Variants in CCDC169 observed in about 807,000 individuals in gnomAD.
CCDC169 encodes the protein coiled-coil domain-containing protein 169.
CCDC169 carries 30 observed loss-of-function variants against 36.0 expected under a neutral mutation model. That is an observed-to-expected ratio of 0.83 (90% CI 0.62 to 1.13). The LOEUF is 1.13. CCDC169 is among the 50% of genes most tolerant of loss of function. The pLI, the probability that CCDC169 is intolerant of heterozygous loss-of-function variation, is 0.00. For missense variants in CCDC169, 245 were observed against 245.9 expected, an observed-to-expected ratio of 1.00 and a Z score of 0.03; for synonymous variants, 85 against 81.5, an observed-to-expected ratio of 1.04 and a Z score of -0.23.
chr13:36,289,439 T>A (rs765958986), intron 2 of CCDC169, among the ~76,000 whole-genome samples: 1 of 152,264 alleles, frequency 6.6e-6, no homozygotes, highest in African/African-American at 2.4e-5. Context: ...AATTTTTCAA[T>A]GTAATCAAGA....
chr13:36,267,624 T>A (rs1300153697), intron 4 of CCDC169, among the ~76,000 whole-genome samples: 4 of 152,128 alleles, frequency 2.6e-5, no homozygotes, highest in African/African-American at 9.7e-5. Context: ...TAACACTGAA[T>A]GTAAATGGTC....
At chr13:36,287,986 T>C (rs1878444241) in intron 2 of CCDC169, among the ~76,000 whole-genome samples, 1 of 152,118 alleles carries the variant, frequency 6.6e-6, no homozygotes, top group African/African-American at 2.4e-5. Context: ...AAATGGTTAA[T>C]AGGGAAATAA....
Position 36,297,751 on chromosome 13 carries a change from C to G in CCDC169, c.-32G>C. On this transcript the variant is annotated 5_prime_UTR_variant, in exon 1 of 8. Coordinates refer to ENST00000239859, the MANE Select transcript of CCDC169 (RefSeq NM_001144981.3). ...AGGCCAGAGACCTCCCGCGTCTTTCCCCTCAGCACCTTAGAGCACAAGACA... is the reference window on the plus strand; with the variant it reads ...AGGCCAGAGACCTCCCGCGTCTTTCGCCTCAGCACCTTAGAGCACAAGACA... The G allele has an allele frequency of 6.5e-7, 1 of 1,544,192 alleles. No homozygotes were observed. The highest frequency in any genetic ancestry group is 8.8e-7 in the Non-Finnish European group (1 of 1,142,130).
At chr13:36,261,606 G>A (rs1286547000) in intron 4 of CCDC169, among the ~76,000 whole-genome samples, 1 of 152,168 alleles carries the variant, frequency 6.6e-6, no homozygotes. Context: ...GGACTGGCTG[G>A]ACACTCAACT....
chr13:36,248,664 C>T lies in CCDC169; in HGVS notation c.487G>A (p.Val163Ile), dbSNP rs1872778114. ...EMSQGSGLHQ[V>I]SKRQQVDQLP... ...TGATCCACCTGTTGCCTTTTAGAAA[C>T]TTGATGTAAACCAGAACCCTGAAAT... is the stretch of plus-strand genomic sequence containing the variant. The change falls in exon 7 of 8, where the codon GTT becomes ATT. Residue 163 changes from valine to isoleucine, a missense_variant. Physicochemically the swap from Val to Ile is conservative, Grantham distance 29 (BLOSUM62 3). Coordinates refer to ENST00000239859, the MANE Select transcript of CCDC169 (RefSeq NM_001144981.3). 46 of 1,550,306 alleles carry T rather than the reference C, an allele frequency of 3.0e-5. No individual in the cohort carries two copies. Among genetic ancestry groups the T allele is most frequent in the Non-Finnish European group, 3.8e-5 (44 of 1,146,272 alleles).
chr13:36,295,733 C>A, intron 2 of CCDC169, 45 bp downstream of exon 2: 1 of 984,544 alleles, frequency 1.0e-6, no homozygotes, highest in Non-Finnish European at 1.5e-6. Flanking sequence ...GTAAAATGAA[C>A]AATAATTATA....
chr13:36,226,430 G>T (rs1035009520), downstream of CCDC169: 2 of 152,168 alleles, frequency 1.3e-5, no homozygotes, highest in African/African-American at 4.8e-5. Flanking sequence ...ACAAGAGTTC[G>T]TGCTCCTATG....
chr13:36,253,765 G>A, intron 6 of CCDC169, 38 bp downstream of exon 6: 1 of 1,531,978 alleles, frequency 6.5e-7, no homozygotes, highest in Non-Finnish European at 8.8e-7. Flanking sequence ...TTTACAGTAA[G>A]AAGAAACACT....
chr13:36,255,876 C>T (rs1327105168), intron 4 of CCDC169, among the ~76,000 whole-genome samples: 1 of 152,160 alleles, frequency 6.6e-6, no homozygotes, highest in Non-Finnish European at 1.5e-5. Flanking sequence ...GTCCTGCTTC[C>T]CCAATCCCCA....
chr13:36,291,867 A>T (rs988132808), intron 2 of CCDC169, among the ~76,000 whole-genome samples: 1 of 152,156 alleles, frequency 6.6e-6, no homozygotes, highest in African/African-American at 2.4e-5. Context: ...AAAAAAATAT[A>T]TTGGATTTAT....
chr13:36,242,526 G>A (rs1871960704), intron 7 of CCDC169, among the ~76,000 whole-genome samples: 1 of 152,062 alleles, frequency 6.6e-6, no homozygotes, highest in East Asian at 1.9e-4. Flanking sequence ...TACCTAATTT[G>A]GATGATTAGA....
intron 4 of CCDC169, among the ~76,000 whole-genome samples, chr13:36,267,810 A>G (rs1268987528): frequency 6.6e-6 from 1 of 152,188 alleles, no homozygotes; most frequent in Admixed American, 6.5e-5. Flanking sequence ...CTATTCTTAT[A>G]TCAGACAAAA....
intron 4 of CCDC169, among the ~76,000 whole-genome samples, chr13:36,275,517 C>A (rs1288747971): frequency 3.3e-5 from 5 of 152,190 alleles, no homozygotes; most frequent in African/African-American, 1.2e-4. Flanking sequence ...CCACAGAACA[C>A]CTCAGGAGGC....
chr13:36,275,290 C>CTA (rs903018605), intron 4 of CCDC169, among the ~76,000 whole-genome samples: 1 of 152,064 alleles, frequency 6.6e-6, no homozygotes, highest in Non-Finnish European at 1.5e-5. Context: ...AGCACAGCTC[C>CTA]TATATATATA....
chr13:36,294,875 C>G (rs972967160), intron 2 of CCDC169, among the ~76,000 whole-genome samples: 17 of 152,128 alleles, frequency 1.1e-4, no homozygotes, highest in Non-Finnish European at 2.4e-4. Flanking sequence ...CTATAGATAA[C>G]ATAACCGATT....
At chr13:36,232,840 T>C (rs1870594213) in intron 7 of CCDC169, among the ~76,000 whole-genome samples, 1 of 151,986 alleles carries the variant, frequency 6.6e-6, no homozygotes, top group South Asian at 2.1e-4. Flanking sequence ...GAGGTTGCAG[T>C]GAGCCGAGAT....
chr13:36,264,178 A>G (rs1874969997), intron 4 of CCDC169, among the ~76,000 whole-genome samples: 1 of 152,182 alleles, frequency 6.6e-6, no homozygotes, highest in South Asian at 2.1e-4. Flanking sequence ...ATACCCAAAA[A>G]AAGTACATTC....
At chr13:36,249,231 T>C (rs1872852459) in intron 6 of CCDC169, among the ~76,000 whole-genome samples, 2 of 152,124 alleles carry the variant, frequency 1.3e-5, no homozygotes, top group African/African-American at 2.4e-5. Context: ...TCATTGAGGG[T>C]ACACAGAGAA....
chr13:36,268,886 T>C (rs949099360), intron 4 of CCDC169, among the ~76,000 whole-genome samples: 1 of 151,918 alleles, frequency 6.6e-6, no homozygotes, highest in African/African-American at 2.4e-5. Flanking sequence ...GGGCAGATCA[T>C]TTGAGGTCAG....
Sources: gnomAD v4.1 joint callset for allele counts (sites outside exome capture counted in the v4.1 genomes callset) on GRCh38, gnomAD v4.1.1 for gene constraint, MANE v1.5 for transcripts, NCBI Gene and HGNC (gene_info 2026-07-23, HGNC 2026-07-21) for gene names.